The following LOXL1 variants were observed in gnomAD, a reference collection of about 807,000 sequenced individuals.
LOXL1 encodes the protein lysyl oxidase like 1.
In LOXL1, 31 loss-of-function variants were observed where a neutral mutation model predicts 62.2. The observed-to-expected ratio is 0.50, with a 90% CI of 0.37 to 0.67. The LOEUF (loss-of-function observed/expected upper bound fraction) is 0.67. LOXL1 is among the 30% of genes least tolerant of loss of function. LOXL1 has a pLI of 0.00. For missense variants in LOXL1, 775 were observed against 843.4 expected (o/e 0.92, Z 1.00); for synonymous variants, 403 against 384.4 (o/e 1.05, Z -0.56).
rs1379459785 is a variant in LOXL1 at position 73,926,956 on chromosome 15, G to C, written c.173G>C (p.Gly58Ala). Residue 58 changes from glycine (G) to alanine (A), a missense_variant, in exon 1 of 7, where the codon GGC (glycine) becomes GCC (alanine). By Grantham distance (60) the Gly-to-Ala change is moderately conservative (BLOSUM62 0). Transcript: ENST00000261921. ...NGQVYSLLNS[G>A]SEYVPAGPQR... ...CAGGTGTACAGCTTGCTCAACTCGG[G>C]CTCAGAGTACGTGCCGGCCGGACCT... 1 of 1,551,094 alleles carries C rather than the reference G, an allele frequency of 6.4e-7. No individual in the cohort carries two copies. Among genetic ancestry groups the C allele is most frequent in the Admixed American group, 2.0e-5 (1 of 51,048 alleles).
At chr15:73,939,587 G>T (rs1442919591) in intron 1 of LOXL1, among the ~76,000 whole-genome samples, 1 of 152,200 alleles carries the variant, frequency 6.6e-6, no homozygotes, top group Non-Finnish European at 1.5e-5. Context: ...CAGAGCAGTG[G>T]CTGCCTGGGG....
intron 1 of LOXL1, chr15:73,941,903 A>G: frequency 4.7e-6 from 1 of 214,686 alleles, no homozygotes; most frequent in Non-Finnish European, 1.0e-5. Context: ...CTGCATGCCC[A>G]GGGAGGAAGG....
Position 73,926,895 on chromosome 15 carries a change from C to CA in LOXL1, c.112_113insA (p.Arg38GlnfsTer35). The CA allele has an allele frequency of 1.3e-6, 2 of 1,564,992 alleles. No homozygotes were observed. Among genetic ancestry groups the CA allele is most frequent in the Non-Finnish European group, 1.7e-6 (2 of 1,155,774 alleles). ...GCCCGGGCAGGGCTCGGACCCCGCC[C>CA]GCTGGCGGCAGCTGATCCAGTGGGA... On this transcript the variant is annotated frameshift_variant, in exon 1 of 7. Coordinates refer to ENST00000261921, the MANE Select transcript of LOXL1 (RefSeq NM_005576.4). LOFTEE classifies it high-confidence loss of function.
In LOXL1 at chr15:73,936,950, G is replaced by A. The variant is rs1362503196; in HGVS notation, c.1103-5904G>A. Among the ~76,000 whole-genome samples, 62 of 152,216 alleles carry A rather than the reference G, an allele frequency of 4.1e-4. 2 individuals are homozygous for A. Among genetic ancestry groups the A allele is most frequent in the Non-Finnish European group, 1.5e-5 (1 of 68,048 alleles). On this transcript the variant is annotated intron_variant, in intron 1 of 6. Transcript: ENST00000261921. Reference sequence around the variant, plus strand: ...GTATTTTAATCTCCAAGTGTTTATCGATCTATCCAACCTGTGTTCAGGGGC... The same window carrying A: ...GTATTTTAATCTCCAAGTGTTTATCAATCTATCCAACCTGTGTTCAGGGGC...
In LOXL1 at chr15:73,927,774, T is replaced by C; in HGVS notation, c.991T>C (p.Tyr331His). 2 of 1,433,074 alleles carry C rather than the reference T, an allele frequency of 1.4e-6. No individual in the cohort carries two copies. Among genetic ancestry groups the C allele is most frequent in the African/African-American group, 3.0e-5 (2 of 67,204 alleles). The allele number at this position is 1,433,074 out of a possible 1,614,324, so 88.8% of individuals were successfully genotyped here. ...YGPPRALEPP[Y>H]LPVRSSDTPP... ...GCCGCCGCGCGCGCTGGAGCCGCCC[T>C]ACCTGCCGGTGCGCAGCTCCGACAC... is the stretch of plus-strand genomic sequence containing the variant. The change falls in exon 1 of 7, where the codon TAC becomes CAC. Residue 331 changes from tyrosine (Y) to histidine (H), a missense_variant. Transcript: ENST00000261921.
Position 73,930,668 on chromosome 15 carries a change from C to T in LOXL1, c.1102+2783C>T, listed in dbSNP as rs901994313. On this transcript the variant is annotated intron_variant, in intron 1 of 6. Coordinates refer to ENST00000261921, the MANE Select transcript of LOXL1 (RefSeq NM_005576.4). This position sits in a 1 kb window ranked among gnomAD's most constrained non-coding sequence, Gnocchi z 4.7. ...GGACGTGTCCTCACAACACCAAGCA[C>T]ATGTGAGCACCACCCACCTCCCTCC... Among the ~76,000 whole-genome samples, 2 of 152,174 alleles carry T rather than the reference C, an allele frequency of 1.3e-5. No homozygotes were observed. Among genetic ancestry groups the T allele is most frequent in the African/African-American group, 4.8e-5 (2 of 41,444 alleles).
chr15:73,933,323 C>A (rs899984137), intron 1 of LOXL1, among the ~76,000 whole-genome samples: 2 of 152,176 alleles, frequency 1.3e-5, no homozygotes, highest in East Asian at 1.9e-4. Context: ...ATCCAGTGGG[C>A]CCTGGCCTCA....
chr15:73,937,062 A>G (rs12917501), intron 1 of LOXL1, among the ~76,000 whole-genome samples: 148,572 of 152,342 alleles, frequency 0.98, 72,459 homozygotes, highest in East Asian at 1. Context: ...CAGTGAACTC[A>G]CCTCTGGAGC....
Position 73,927,617 on chromosome 15 carries a change from G to A in LOXL1, c.834G>A (p.Leu278=), listed in dbSNP as rs1210253306. 8.0e-6 allele frequency: 12 copies of A among 1,492,040 alleles called. No homozygotes were observed. Among genetic ancestry groups the A allele is most frequent in the Non-Finnish European group, 9.8e-6 (11 of 1,127,476 alleles). 92.4% of individuals were successfully genotyped at this position (1,492,040 alleles called of 1,614,324 possible). A position where few individuals can be genotyped will look rare whatever the true frequency, so the allele number is the denominator to read the frequency against. The change falls in exon 1 of 7, where the codon CTG becomes CTA. Residue 278 remains leucine, a synonymous_variant. Transcript: ENST00000261921. ...DGLDRRYSHS[L]YSEGTPGFEQ... ...TGGACCGCCGCTACTCGCACAGTCT[G>A]TACAGCGAGGGCACCCCCGGCTTCG...
Position 73,951,877 on chromosome 15 carries a change from A to G in LOXL1, c.*40A>G. 2 of 1,500,754 alleles carry G rather than the reference A, an allele frequency of 1.3e-6. No homozygotes were observed. The highest frequency in any genetic ancestry group is 9.0e-7 in the Non-Finnish European group (1 of 1,117,250). 93.0% of individuals were successfully genotyped at this position (1,500,754 alleles called of 1,614,324 possible). On this transcript the variant is annotated 3_prime_UTR_variant, in exon 7 of 7. Transcript: ENST00000261921. ...AGATGGCCAATCTCTCCCCTTCCAA[A>G]GCAGGCCCTGCTCCCCGGGCAGCCT...
intron 1 of LOXL1, 33 bp downstream of exon 1, chr15:73,927,918 C>A (rs1595842255): frequency 7.7e-7 from 1 of 1,296,674 alleles, no homozygotes; most frequent in Non-Finnish European, 9.7e-7. Flanking sequence ...TCCGGCCGCG[C>A]GTACCCCTGG....
At chr15:73,942,310 A>C (rs1465734818) in intron 1 of LOXL1, among the ~76,000 whole-genome samples, 1 of 151,400 alleles carries the variant, frequency 6.6e-6, no homozygotes, top group African/African-American at 2.4e-5. Context: ...GCCTGCATCC[A>C]CCTGGCTCTG....
At chr15:73,937,972 T>TA (rs1362388893) in intron 1 of LOXL1, among the ~76,000 whole-genome samples, 3 of 152,010 alleles carry the variant, frequency 2.0e-5, no homozygotes, top group Non-Finnish European at 4.4e-5. Context: ...AGCGGGGAGT[T>TA]AGAGGTGACC....
At position 73,951,965 on chromosome 15, in the gene LOXL1, A is replaced by AGGGT; in HGVS notation, c.*131_*132insTGGG. On this transcript the variant is annotated 3_prime_UTR_variant, in exon 7 of 7. Coordinates refer to ENST00000261921, the MANE Select transcript of LOXL1 (RefSeq NM_005576.4). ...AGGGGCATCCCTCCCTGCCGGCCTCAGGGAGCGAACGTGGATGAAAACCAC... is the reference window on the plus strand; with the variant it reads ...AGGGGCATCCCTCCCTGCCGGCCTCAGGGTGGGAGCGAACGTGGATGAAAACCAC... The AGGGT allele has an allele frequency of 1.3e-6, 1 of 776,076 alleles. No individual in the cohort carries two copies. 48.1% of individuals were successfully genotyped at this position (776,076 alleles called of 1,614,324 possible). A position where few individuals can be genotyped will look rare whatever the true frequency, so the allele number is the denominator to read the frequency against.
In LOXL1 at chr15:73,927,500, C is replaced by T; in HGVS notation, c.717C>T (p.Gly239=). ...QPRARYEEYG[G]GEELPEYPPQ... Reference sequence around the variant, plus strand: ...GGGCGCGCTACGAGGAGTACGGCGGCGGCGAAGAGCTGCCCGAGTACCCGC... The same window carrying T: ...GGGCGCGCTACGAGGAGTACGGCGGTGGCGAAGAGCTGCCCGAGTACCCGC... The change falls in exon 1 of 7, where the codon GGC becomes GGT. Residue 239 remains glycine (G), a synonymous_variant. Transcript: ENST00000261921. The T allele has an allele frequency of 1.4e-6, 2 of 1,464,528 alleles. No homozygotes were observed. Among genetic ancestry groups the T allele is most frequent in the Non-Finnish European group, 1.8e-6 (2 of 1,113,058 alleles). 90.7% of individuals were successfully genotyped at this position (1,464,528 alleles called of 1,614,324 possible). A position where few individuals can be genotyped will look rare whatever the true frequency, so the allele number is the denominator to read the frequency against.
At chr15:73,951,275 A>G (rs1450919436) in intron 6 of LOXL1, among the ~76,000 whole-genome samples, 1 of 152,202 alleles carries the variant, frequency 6.6e-6, no homozygotes, top group Non-Finnish European at 1.5e-5. Flanking sequence ...CGGCCCTCCC[A>G]GCTCCCCGGG....
intron 4 of LOXL1, chr15:73,947,451 GA>G: frequency 1.9e-6 from 1 of 526,278 alleles, no homozygotes; most frequent in South Asian, 3.0e-5. Context: ...CTCGTGGAGA[GA>G]AGGAAACATC....
chr15:73,927,542 G>C lies in LOXL1; in HGVS notation c.759G>C (p.Pro253=), dbSNP rs1160799232. 1 of 1,479,430 alleles carries C rather than the reference G, an allele frequency of 6.8e-7. No homozygotes were observed. The highest frequency in any genetic ancestry group is 8.9e-7 in the Non-Finnish European group (1 of 1,120,712). The allele number at this position is 1,479,430 out of a possible 1,614,324, so 91.6% of individuals were successfully genotyped here. A position where few individuals can be genotyped will look rare whatever the true frequency, so the allele number is the denominator to read the frequency against. The change falls in exon 1 of 7, where the codon CCG becomes CCC. Residue 253 remains proline (P), a synonymous_variant. Coordinates refer to ENST00000261921, the MANE Select transcript of LOXL1 (RefSeq NM_005576.4). ...LPEYPPQGFY[P]APERPYVPPP... is the part of the protein sequence containing the mutation. ...AGTACCCGCCTCAGGGCTTCTACCC[G>C]GCCCCCGAGAGGCCCTACGTGCCGC...
Position 73,926,950 on chromosome 15 carries a change from A to C in LOXL1, c.167A>C (p.Asn56Thr), listed in dbSNP as rs545964567. Residue 56 changes from asparagine to threonine, a missense_variant, in exon 1 of 7, where the codon AAC becomes ACC. Asn to Thr is a moderately conservative substitution (Grantham distance 65). Coordinates refer to ENST00000261921, the MANE Select transcript of LOXL1 (RefSeq NM_005576.4). ...ENNGQVYSLL[N>T]SGSEYVPAGP... ...AACGGGCAGGTGTACAGCTTGCTCA[A>C]CTCGGGCTCAGAGTACGTGCCGGCC... 303 of 1,554,704 alleles carry C rather than the reference A, an allele frequency of 1.9e-4. No homozygotes were observed. Among genetic ancestry groups the C allele is most frequent in the Admixed American group, 2.7e-4 (14 of 51,446 alleles).
Sources: allele counts gnomAD v4.1 joint callset (sites outside exome capture counted in the v4.1 genomes callset), GRCh38; gene constraint gnomAD v4.1.1; non-coding constraint Gnocchi (gnomAD v3.1); transcripts MANE v1.5; gene names NCBI Gene and HGNC (gene_info 2026-07-23, HGNC 2026-07-21).